Variants in BAZ2B observed in about 807,000 individuals in gnomAD.
BAZ2B encodes the protein bromodomain adjacent to zinc finger domain protein 2B.
BAZ2B carries 91 observed loss-of-function variants against 246.0 expected under a neutral mutation model. The ratio of observed to expected loss-of-function variants is 0.37; its 90% CI spans 0.31 to 0.44. The LOEUF (loss-of-function observed/expected upper bound fraction) is 0.44, where lower values mean the gene tolerates loss of function less well. Among genes scored for constraint, BAZ2B ranks in the 20% least tolerant of loss-of-function variants. The pLI, the probability that BAZ2B is intolerant of heterozygous loss-of-function variation, is 1.00. For synonymous variants in BAZ2B, 855 were observed against 860.0 expected, an observed-to-expected ratio of 0.99 and a Z score of 0.10; for missense variants, 2,332 against 2,533.7, an observed-to-expected ratio of 0.92 and a Z score of 1.71.
chr2:159,343,756 G>A (rs1023807908), intron 31 of BAZ2B, among the ~76,000 whole-genome samples: 2 of 152,138 alleles, frequency 1.3e-5, no homozygotes, highest in African/African-American at 2.4e-5. Context: ...GCCGGGCGCC[G>A]TGGCTCACAT....
intron 25 of BAZ2B, among the ~76,000 whole-genome samples, chr2:159,379,633 T>C (rs1433067600): frequency 6.6e-6 from 1 of 152,208 alleles, no homozygotes; most frequent in Admixed American, 6.5e-5. Flanking sequence ...GAGAATTATG[T>C]AGCATATTAT....
chr2:159,425,337 T>C (rs1056816595), intron 13 of BAZ2B, among the ~76,000 whole-genome samples: 8 of 152,064 alleles, frequency 5.3e-5, no homozygotes, highest in Non-Finnish European at 8.8e-5. Context: ...CCCACCACCA[T>C]GCCCAGCTAA....
At chr2:159,549,824 CTTTTTTT>C (rs766811132) in intron 2 of BAZ2B, among the ~76,000 whole-genome samples, 1 of 131,134 alleles carries the variant, frequency 7.6e-6, no homozygotes, top group Non-Finnish European at 1.7e-5. Context: ...TTTTTTCTTT[CTTTTTTT>C]TTTTTTTTTT....
intron 4 of BAZ2B, among the ~76,000 whole-genome samples, chr2:159,452,090 A>G (rs73967875): frequency 0.03 from 4,579 of 152,250 alleles, 211 homozygotes; most frequent in African/African-American, 0.1. Context: ...GAAATGTTAA[A>G]ACTTGGTTTA....
the BAZ2B span, among the ~76,000 whole-genome samples, chr2:159,642,053 T>G: frequency 6.6e-6 from 1 of 152,152 alleles, no homozygotes; most frequent in East Asian, 1.9e-4. Flanking sequence ...GTTTGCATTT[T>G]CTGCTCAAGT....
At position 159,509,512 on chromosome 2, in the gene BAZ2B, A is replaced by G. The variant is rs140247545; in HGVS notation, c.-2-30791T>C. On this transcript the variant is annotated intron_variant, in intron 2 of 36. Transcript: ENST00000392783. The stretch of plus-strand genomic sequence containing the variant: ...GGCTTTTTTCCTCTCTTTTAAGAAA[A>G]ATACCCTGTATGTGCTGAAGCCAGT... 8.0e-3 allele frequency among the ~76,000 whole-genome samples: 1,220 copies of G among 152,286 alleles called. 13 individuals are homozygous for G. Among genetic ancestry groups the G allele is most frequent in the African/African-American group, 0.028 (1,151 of 41,572 alleles).
At chr2:159,652,968 C>T in the BAZ2B span, among the ~76,000 whole-genome samples, 1 of 150,784 alleles carries the variant, frequency 6.6e-6, no homozygotes, top group African/African-American at 2.4e-5. Flanking sequence ...GGTGGAGTCT[C>T]ACTCTGTCAC....
the BAZ2B span, among the ~76,000 whole-genome samples, chr2:159,686,852 C>G: frequency 2.0e-5 from 3 of 152,016 alleles, no homozygotes; most frequent in Non-Finnish European, 4.4e-5. Flanking sequence ...ACCACCCTGG[C>G]TAACATGGTG....
chr2:159,509,567 T>C (rs1253990409), intron 2 of BAZ2B, among the ~76,000 whole-genome samples: 3 of 152,174 alleles, frequency 2.0e-5, no homozygotes, highest in Admixed American at 6.5e-5. Flanking sequence ...TTACATTCAC[T>C]ATACAGTGTA....
chr2:159,682,909 T>TCCCC, the BAZ2B span, among the ~76,000 whole-genome samples: 2 of 131,734 alleles, frequency 1.5e-5, no homozygotes, highest in East Asian at 5.4e-4. Flanking sequence ...CTGCCACCCC[T>TCCCC]CCCCCCCCCC....
intron 1 of BAZ2B, among the ~76,000 whole-genome samples, chr2:159,571,370 A>G (rs532604254): frequency 1.3e-5 from 2 of 152,332 alleles, no homozygotes; most frequent in South Asian, 4.1e-4. Context: ...TATAATATAT[A>G]GTAGATGCTG....
At chr2:159,678,117 TTTCTGGAGCA>T in the BAZ2B span, among the ~76,000 whole-genome samples, 3 of 152,172 alleles carry the variant, frequency 2.0e-5, no homozygotes, top group African/African-American at 7.2e-5. Context: ...AAGGAGCATT[TTTCTGGAGCA>T]TCTATTTTAC....
In BAZ2B at chr2:159,479,686, T is replaced by C. The variant is rs200885795; in HGVS notation, c.-2-965A>G. 3.2e-4 allele frequency among the ~76,000 whole-genome samples: 48 copies of C among 152,290 alleles called. No homozygotes were observed. The East Asian group carries it at 5.0e-3, about 16-fold the overall frequency. ...AAATAGTTGGATTTCATTTAAAAAATTGACTAATTAAAATAATGCAAGGCT... is the reference window on the plus strand; with the variant it reads ...AAATAGTTGGATTTCATTTAAAAAACTGACTAATTAAAATAATGCAAGGCT... On this transcript the variant is annotated intron_variant, in intron 2 of 36. Transcript: ENST00000392783.
At chr2:159,656,975 G>T in the BAZ2B span, among the ~76,000 whole-genome samples, 1 of 152,152 alleles carries the variant, frequency 6.6e-6, no homozygotes, top group Middle Eastern at 3.4e-3. Context: ...TTGCAGAGAA[G>T]TTTTAAATTT....
chr2:159,417,396 C>A (rs1324162276), intron 13 of BAZ2B, among the ~76,000 whole-genome samples: 1 of 152,060 alleles, frequency 6.6e-6, no homozygotes, highest in Admixed American at 6.6e-5. Flanking sequence ...GTCTTGAACT[C>A]CTGACCTCAG....
At position 159,599,949 on chromosome 2, in the gene BAZ2B, A is replaced by AG. The variant is rs1476290091; in HGVS notation, c.-46+16292_-46+16293insC. On this transcript the variant is annotated intron_variant, in intron 1 of 36. Transcript: ENST00000392783. ...AGACTCCTTCTCAAAAAAAAAAAAA[A>AG]AAAAGAAAAGAAAAAGAAAGAAAGA... 1.1e-4 allele frequency among the ~76,000 whole-genome samples: 17 copies of AG among 151,674 alleles called. No homozygotes were observed. The Middle Eastern group carries it at 0.01, about 92-fold the overall frequency.
At chr2:159,601,669 C>T (rs924349427) in intron 1 of BAZ2B, among the ~76,000 whole-genome samples, 2 of 151,980 alleles carry the variant, frequency 1.3e-5, no homozygotes, top group Admixed American at 1.3e-4. Context: ...TGCAGTGAGC[C>T]GAGATTGTGC....
intron 2 of BAZ2B, among the ~76,000 whole-genome samples, chr2:159,502,545 G>T (rs1222320196): frequency 6.6e-6 from 1 of 152,068 alleles, no homozygotes; most frequent in South Asian, 2.1e-4. Context: ...GAGACAAGAG[G>T]ACTGCCTGAG....
chr2:159,466,435 C>T (rs1167665116), intron 3 of BAZ2B, among the ~76,000 whole-genome samples: 2 of 152,106 alleles, frequency 1.3e-5, no homozygotes, highest in Non-Finnish European at 2.9e-5. Flanking sequence ...TGACTGGATA[C>T]ATATTGGTAA....
Sources: gnomAD v4.1 joint callset for allele counts (sites outside exome capture counted in the v4.1 genomes callset) on GRCh38, gnomAD v4.1.1 for gene constraint, MANE v1.5 for transcripts, NCBI Gene and HGNC (gene_info 2026-07-23, HGNC 2026-07-21) for gene names.